The following DLGAP2 variants were observed in gnomAD, a reference collection of about 807,000 sequenced individuals.
DLGAP2 encodes DLG associated protein 2.
In DLGAP2, 26 loss-of-function variants were observed where a neutral mutation model predicts 100.3. That is an observed-to-expected ratio of 0.26 (90% CI 0.19 to 0.36). The LOEUF (loss-of-function observed/expected upper bound fraction) is 0.36. Ranked by LOEUF, DLGAP2 falls within the 10% of genes least tolerant of loss-of-function variation. The pLI, the probability that DLGAP2 is intolerant of heterozygous loss-of-function variation, is 1.00. For synonymous variants in DLGAP2, 886 were observed against 630.1 expected (o/e 1.41, Z -6.08); for missense variants, 1,858 against 1,453.2 (o/e 1.28, Z -4.53).
intron 3 of DLGAP2, among the ~76,000 whole-genome samples, chr8:1,446,008 T>G (rs1164839427): frequency 6.6e-6 from 1 of 151,894 alleles, no homozygotes; most frequent in Non-Finnish European, 1.5e-5. Context: ...GTCAGATGAG[T>G]AGGTTGCAAA....
chr8:756,389 C>A (rs1000622304), intron 1 of DLGAP2, among the ~76,000 whole-genome samples: 1 of 152,186 alleles, frequency 6.6e-6, no homozygotes, highest in South Asian at 2.1e-4. Context: ...AACCATGGAG[C>A]TGACATTGAG....
chr8:1,617,906 G>C (rs1797209596), intron 6 of DLGAP2, among the ~76,000 whole-genome samples: 1 of 152,188 alleles, frequency 6.6e-6, no homozygotes, highest in Middle Eastern at 3.2e-3. Flanking sequence ...CAGTAAAATG[G>C]TAGGCTTCAA....
At chr8:1,363,683 G>A (rs1271322782) in intron 3 of DLGAP2, among the ~76,000 whole-genome samples, 1 of 152,196 alleles carries the variant, frequency 6.6e-6, no homozygotes, top group African/African-American at 2.4e-5. Context: ...ACAACAGTCA[G>A]GACATGGAGA....
chr8:1,430,095 T>C (rs1328964634), intron 3 of DLGAP2, among the ~76,000 whole-genome samples: 2 of 144,324 alleles, frequency 1.4e-5, no homozygotes, highest in Non-Finnish European at 3.0e-5. Context: ...TGTGGTAAAA[T>C]AAACCACTGC....
chr8:1,417,156 GTGAA>G (rs796740293), intron 3 of DLGAP2, among the ~76,000 whole-genome samples: 4,126 of 85,126 alleles, frequency 0.048, 204 homozygotes, highest in East Asian at 0.073. Context: ...GAGACTCTGA[GTGAA>G]GGGGAAGCCC....
intron 3 of DLGAP2, among the ~76,000 whole-genome samples, chr8:1,475,498 T>C: frequency 6.6e-6 from 1 of 152,150 alleles, no homozygotes. Flanking sequence ...AGCGTTTTGC[T>C]TTGGAGGTGC....
chr8:1,493,733 C>A (rs1014347634), intron 3 of DLGAP2, among the ~76,000 whole-genome samples: 3 of 152,226 alleles, frequency 2.0e-5, no homozygotes, highest in African/African-American at 7.2e-5. Context: ...CTGCCTGCTG[C>A]CATCTCCCTG....
chr8:1,662,239 G>T (rs1343191887), intron 8 of DLGAP2, among the ~76,000 whole-genome samples: 1 of 152,206 alleles, frequency 6.6e-6, no homozygotes. Context: ...GGAATTGAAA[G>T]CCCATTTCAT....
chr8:989,806 C>T (rs1800602150), intron 2 of DLGAP2, among the ~76,000 whole-genome samples: 2 of 152,096 alleles, frequency 1.3e-5, no homozygotes, highest in South Asian at 4.1e-4. Flanking sequence ...CCCCAGGGTC[C>T]CTGCTAATGA....
At chr8:825,704 TA>T (rs1174701421) in intron 1 of DLGAP2, among the ~76,000 whole-genome samples, 1 of 152,218 alleles carries the variant, frequency 6.6e-6, no homozygotes, top group Non-Finnish European at 1.5e-5. Flanking sequence ...TAAAAATTTT[TA>T]ATTATTGTGG....
chr8:1,222,718 G>C (rs1289447456), intron 2 of DLGAP2, among the ~76,000 whole-genome samples: 2 of 152,112 alleles, frequency 1.3e-5, no homozygotes, highest in African/African-American at 4.8e-5. Context: ...TTTATCTGCA[G>C]AAGTGCTCTG....
intron 8 of DLGAP2, among the ~76,000 whole-genome samples, chr8:1,640,238 G>A (rs1209871278): frequency 2.0e-5 from 3 of 152,048 alleles, no homozygotes; most frequent in Admixed American, 6.5e-5. Flanking sequence ...AATCTGGCTC[G>A]GGCTGATGGA....
At chr8:1,569,419 C>T in intron 6 of DLGAP2, among the ~76,000 whole-genome samples, 1 of 152,200 alleles carries the variant, frequency 6.6e-6, no homozygotes, top group East Asian at 1.9e-4. Flanking sequence ...GACCTGCCTG[C>T]CAGGGACCTG....
intron 2 of DLGAP2, among the ~76,000 whole-genome samples, chr8:950,034 G>T (rs1799438888): frequency 6.6e-6 from 1 of 152,200 alleles, no homozygotes; most frequent in Admixed American, 6.5e-5. Context: ...GTCCCGTCTT[G>T]CTTCTCCAGG....
At chr8:1,576,822 A>C (rs184682081) in intron 6 of DLGAP2, among the ~76,000 whole-genome samples, 27 of 152,310 alleles carry the variant, frequency 1.8e-4, no homozygotes, top group Middle Eastern at 3.4e-3. Flanking sequence ...CCATTGGTCT[A>C]TATCTCTGTT....
intron 2 of DLGAP2, among the ~76,000 whole-genome samples, chr8:1,214,340 C>G (rs1423691115): frequency 2.0e-5 from 3 of 152,216 alleles, no homozygotes; most frequent in African/African-American, 7.2e-5. Context: ...ATCGTTTTTC[C>G]GTGAGCAGCC....
chr8:1,563,275 G>A (rs1254361051), intron 5 of DLGAP2, among the ~76,000 whole-genome samples: 4 of 43,776 alleles, frequency 9.1e-5, no homozygotes, highest in African/African-American at 4.3e-4. Flanking sequence ...GGGTGTCTGC[G>A]CCTCGTTGCT....
At chr8:1,173,362 C>CA (rs1797173959) in intron 2 of DLGAP2, among the ~76,000 whole-genome samples, 2 of 152,178 alleles carry the variant, frequency 1.3e-5, no homozygotes, top group Non-Finnish European at 2.9e-5. Context: ...GCAGTCTGCC[C>CA]GTTCTCAGAT....
chr8:1,197,647 C>G (rs6983125), intron 2 of DLGAP2, among the ~76,000 whole-genome samples: 7 of 57,074 alleles, frequency 1.2e-4, no homozygotes, highest in African/African-American at 3.3e-4. Context: ...ACCTGAGCCA[C>G]GCCAATGTGG....
Sources: allele counts gnomAD v4.1 joint callset (sites outside exome capture counted in the v4.1 genomes callset), GRCh38; gene constraint gnomAD v4.1.1; transcripts MANE v1.5; gene names NCBI Gene and HGNC (gene_info 2026-07-23, HGNC 2026-07-21).